CELSR2: variants seen among roughly 807,000 people sequenced by gnomAD.
CELSR2 encodes cadherin EGF LAG seven-pass G-type receptor 2.
Under a neutral mutation model 251.6 loss-of-function variants are expected in CELSR2, and 81 were observed. That is an observed-to-expected ratio of 0.32 (90% CI 0.27 to 0.39). The LOEUF (loss-of-function observed/expected upper bound fraction) is 0.39, where lower values mean the gene tolerates loss of function less well. CELSR2 is among the 10% of genes least tolerant of loss of function. The probability of loss-of-function intolerance (pLI) is 1.00; values close to 1 mark genes in which losing one functional copy is unlikely to be tolerated. For synonymous variants in CELSR2, 1,721 were observed against 1,670.5 expected (o/e 1.03, Z -0.74); for missense variants, 3,365 against 3,947.7 (o/e 0.85, Z 3.96).
At chr1:109,271,992 T>A (rs1656383787) in intron 28 of CELSR2, among the ~76,000 whole-genome samples, 1 of 152,206 alleles carries the variant, frequency 6.6e-6, no homozygotes, top group South Asian at 2.1e-4. Flanking sequence ...GTAAATTTTC[T>A]GTCTCCCAAG....
In CELSR2 at chr1:109,262,407, T is replaced by C; in HGVS notation, c.4507T>C (p.Ser1503Pro). Residue 1503 changes from serine to proline, a missense_variant, in exon 6 of 34, where the codon TCC becomes CCC. Physicochemically the swap from Ser to Pro is moderately conservative, Grantham distance 74. Coordinates refer to ENST00000271332, the MANE Select transcript of CELSR2 (RefSeq NM_001408.3). The stretch of plus-strand genomic sequence containing the variant: ...CTTCGGATCTGTCCTGGGCAACTAC[T>C]CCTGTGCTGCCCAGGGCACCCAGGG... ...LRFGSVLGNY[S>P]CAAQGTQGGS... 6.2e-7 allele frequency: 1 copy of C among 1,614,046 alleles called. No homozygotes were observed. The highest frequency in any genetic ancestry group is 8.5e-7 in the Non-Finnish European group (1 of 1,179,998).
At chr1:109,259,101 A>C in intron 2 of CELSR2, 22 bp downstream of exon 2, 1 of 1,543,020 alleles carries the variant, frequency 6.5e-7, no homozygotes, top group Non-Finnish European at 8.7e-7. Context: ...GAGGGGACTC[A>C]TGGGCCAGCC....
In CELSR2 at chr1:109,258,423, T is replaced by A; in HGVS notation, c.3311-9T>A. The stretch of plus-strand genomic sequence containing the variant: ...CCAGGCTGGGTCCTGACTGTGTCCC[T>A]CTCCACAGACGGCGTACACAGCGTG... On this transcript the variant is annotated splice_polypyrimidine_tract_variant and intron_variant, in intron 1 of 33. Coordinates refer to ENST00000271332, the MANE Select transcript of CELSR2 (RefSeq NM_001408.3). The A allele has an allele frequency of 6.4e-7, 1 of 1,557,342 alleles. No homozygotes were observed. Among genetic ancestry groups the A allele is most frequent in the South Asian group, 1.2e-5 (1 of 82,180 alleles).
chr1:109,267,740 A>T, intron 16 of CELSR2, 98 bp downstream of exon 16: 5 of 1,557,800 alleles, frequency 3.2e-6, no homozygotes, highest in Non-Finnish European at 3.5e-6. Context: ...CTGGAATTCC[A>T]GCCTGTGTGT....
Position 109,272,367 on chromosome 1 carries a change from G to A in CELSR2, c.8016G>A (p.Ser2672=), listed in dbSNP as rs758244777. ...GCTCTCTGCACAGCACCAGTCGCTCGGGCAAGAGTCAGCCCAGCTACATCC... is the reference window on the plus strand; with the variant it reads ...GCTCTCTGCACAGCACCAGTCGCTCAGGCAAGAGTCAGCCCAGCTACATCC... The part of the protein sequence containing the change: ...SAGSLHSTSR[S]GKSQPSYIPF... The change falls in exon 29 of 34, where the codon TCG becomes TCA. Residue 2672 remains serine (S), a synonymous_variant. Transcript: ENST00000271332. 2.4e-5 allele frequency: 38 copies of A among 1,612,068 alleles called. No individual in the cohort carries two copies. Among genetic ancestry groups the A allele is most frequent in the Middle Eastern group, 1.6e-4 (1 of 6,076 alleles).
rs748651235 is a variant in CELSR2, at chr1:109,271,388, C to T, written c.7679C>T (p.Ser2560Leu). Residue 2560 changes from serine (S) to leucine (L), a missense_variant and splice_region_variant, in exon 27 of 34, where the codon TCG becomes TTG. Coordinates refer to ENST00000271332, the MANE Select transcript of CELSR2 (RefSeq NM_001408.3). ...RQGFEKKGPV[S>L]GLQPSFAVLL... ...TCATGGCCTGTCCCTATCCCCAGCT[C>T]GGGCCTGCAGCCCTCCTTCGCCGTC... 7 of 1,612,992 alleles carry T rather than the reference C, an allele frequency of 4.3e-6. No individual in the cohort carries two copies. The highest frequency in any genetic ancestry group is 2.2e-5 in the East Asian group (1 of 44,762).
At position 109,253,004 on chromosome 1, in the gene CELSR2, C is replaced by T. The variant is rs757852154; in HGVS notation, c.2925C>T (p.Ser975=). The T allele has an allele frequency of 2.2e-5, 35 of 1,612,526 alleles. No homozygotes were observed. In the Middle Eastern group the frequency reaches 6.6e-4, roughly 30 times the overall value. The change falls in exon 1 of 34, where the codon TCC becomes TCT. Residue 975 remains serine, a synonymous_variant. Transcript: ENST00000271332. ...IPEVFQLDIF[S]GELTALVDLD... is the part of the protein sequence containing the mutation. ...AGGTCTTTCAGCTGGACATCTTCTCCGGGGAGCTGACAGCCCTGGTAGACT... is the reference window on the plus strand; with the variant it reads ...AGGTCTTTCAGCTGGACATCTTCTCTGGGGAGCTGACAGCCCTGGTAGACT...
At position 109,258,931 on chromosome 1, in the gene CELSR2, AG is replaced by A; in HGVS notation, c.3813del (p.Leu1272CysfsTer54). On this transcript the variant is annotated frameshift_variant, in exon 2 of 34. Transcript: ENST00000271332. LOFTEE classifies it high-confidence loss of function. ...VLFRPIHPVG[G>X]LRCRCPPGFT... is the part of the protein sequence containing the mutation. ...TCTTCCGGCCCATCCACCCCGTCGG[AG>A]GGCTGCGCTGCCGCTGCCCGCCCGG... 1 of 1,611,982 alleles carries A rather than the reference AG, an allele frequency of 6.2e-7. No individual in the cohort carries two copies. The highest frequency in any genetic ancestry group is 8.5e-7 in the Non-Finnish European group (1 of 1,179,536).
chr1:109,267,610 A>G lies in CELSR2; in HGVS notation c.6076A>G (p.Thr2026Ala). ...GWLPPNLFNCTSITFSELKGF... is the reference protein window; with the variant it reads ...GWLPPNLFNCASITFSELKGF... ...GCTCCCCCCAAACCTCTTCAACTGC[A>G]CGTCCATCACCTTCTCAGAACTGAA... Residue 2026 changes from threonine (T) to alanine (A), a missense_variant, in exon 16 of 34, where the codon ACG becomes GCG. Physicochemically the swap from Thr to Ala is moderately conservative, Grantham distance 58 (BLOSUM62 0). Transcript: ENST00000271332. 8 of 1,614,136 alleles carry G rather than the reference A, an allele frequency of 5.0e-6. No individual in the cohort carries two copies. Among genetic ancestry groups the G allele is most frequent in the Non-Finnish European group, 6.8e-6 (8 of 1,180,012 alleles).
In CELSR2 at chr1:109,251,815, G is replaced by C. The variant is rs200304391; in HGVS notation, c.1736G>C (p.Gly579Ala). ...DREEVDFYSF[G>A]VEARDHGTPA... is the part of the protein sequence containing the mutation. ...GAGGAAGTTGATTTCTACAGCTTTG[G>C]GGTAGAAGCTCGAGACCATGGCACT... The change falls in exon 1 of 34, where the codon GGG becomes GCG. Residue 579 changes from glycine to alanine, a missense_variant. Physicochemically the swap from Gly to Ala is moderately conservative, Grantham distance 60 (BLOSUM62 0). Around this residue, in one of 5 missense-constraint regions of CELSR2, gnomAD observed 704 missense variants for 784.1 expected, o/e 0.90. Coordinates refer to ENST00000271332, the MANE Select transcript of CELSR2 (RefSeq NM_001408.3). This position sits in a 1 kb window ranked among gnomAD's most constrained non-coding sequence, Gnocchi z 4.9. 2.4e-4 allele frequency: 387 copies of C among 1,613,974 alleles called. No homozygotes were observed. Among genetic ancestry groups the C allele is most frequent in the Non-Finnish European group, 3.0e-4 (357 of 1,180,032 alleles).
At position 109,270,400 on chromosome 1, in the gene CELSR2, T is replaced by C. The variant is rs756164192; in HGVS notation, c.7309-26T>C. On this transcript the variant is annotated intron_variant, in intron 23 of 33. Transcript: ENST00000271332. ...TGTGCTCTGGGCGGGCCCCGGTCGC[T>C]GACCTGCCCTGGCCTGGGCCCTCAG... The C allele has an allele frequency of 3.1e-6, 5 of 1,612,464 alleles. No individual in the cohort carries two copies. The South Asian group carries it at 5.5e-5, about 18-fold the overall frequency.
At position 109,250,521 on chromosome 1, in the gene CELSR2, T is replaced by C. The variant is rs1273708462; in HGVS notation, c.442T>C (p.Cys148Arg). Residue 148 changes from cysteine (C) to arginine (R), a missense_variant, in exon 1 of 34, where the codon TGC becomes CGC. Cys to Arg is a radical substitution (Grantham distance 180). Transcript: ENST00000271332. The surrounding 1 kb of genome is among the most constrained non-coding windows in gnomAD (Gnocchi z 4.4). ...LKAPRLRCQS[C>R]KLAQAPGLRA... ...GGCTCCACGGCTCAGATGCCAGTCCTGCAAGCTGGCACAGGCCCCCGGGCT... is the reference window on the plus strand; with the variant it reads ...GGCTCCACGGCTCAGATGCCAGTCCCGCAAGCTGGCACAGGCCCCCGGGCT... 2 of 1,613,790 alleles carry C rather than the reference T, an allele frequency of 1.2e-6. No individual in the cohort carries two copies. Among genetic ancestry groups the C allele is most frequent in the African/African-American group, 1.3e-5 (1 of 75,032 alleles).
rs778934592 is a variant in CELSR2 at position 109,268,050 on chromosome 1, A to G, written c.6308A>G (p.His2103Arg). The G allele has an allele frequency of 6.3e-7, 1 of 1,597,546 alleles. No homozygotes were observed. Among genetic ancestry groups the G allele is most frequent in the South Asian group, 1.1e-5 (1 of 90,802 alleles). The stretch of plus-strand genomic sequence containing the variant: ...GGGCTGTCTGCCACACAGGACGTGC[A>G]CTTCACTGAGGTGGGGCTTGGAGGA... ...GFGLSATQDV[H>R]FTENLLRVGS... is the part of the protein sequence containing the mutation. Residue 2103 changes from histidine to arginine, a missense_variant, in exon 17 of 34, where the codon CAC (histidine) becomes CGC (arginine). Physicochemically the swap from His to Arg is conservative, Grantham distance 29. Around this residue, in one of 5 missense-constraint regions of CELSR2, gnomAD observed 2,093 missense variants for 2,382.8 expected, o/e 0.88. Coordinates refer to ENST00000271332, the MANE Select transcript of CELSR2 (RefSeq NM_001408.3).
rs759753279 is a variant in CELSR2, at chr1:109,250,475, C to T, written c.396C>T (p.Pro132=). 7.4e-6 allele frequency: 12 copies of T among 1,613,570 alleles called. No homozygotes were observed. The highest frequency in any genetic ancestry group is 1.1e-5 in the South Asian group (1 of 91,086). Residue 132 remains proline, a synonymous_variant, in exon 1 of 34, where the codon CCC becomes CCT. Coordinates refer to ENST00000271332, the MANE Select transcript of CELSR2 (RefSeq NM_001408.3). This position sits in a 1 kb window ranked among gnomAD's most constrained non-coding sequence, Gnocchi z 4.4. ...HLSPQGKLTL[P]EEHPCLKAPR... ...CCCCACAGGGCAAGCTCACACTGCC[C>T]GAGGAGCACCCGTGCTTAAAGGCTC...
chr1:109,268,016 C>T lies in CELSR2; in HGVS notation c.6274C>T (p.Arg2092Trp), dbSNP rs537617142. The T allele has an allele frequency of 9.8e-5, 158 of 1,608,726 alleles. No individual in the cohort carries two copies. Among genetic ancestry groups the T allele is most frequent in the Admixed American group, 2.3e-4 (14 of 60,000 alleles). The change falls in exon 17 of 34, where the codon CGG becomes TGG. Residue 2092 changes from arginine (R) to tryptophan (W), a missense_variant. By Grantham distance (101) the Arg-to-Trp change is moderately radical (BLOSUM62 -3). Transcript: ENST00000271332. ...TRLLAHESTQ[R>W]GFGLSATQDV... ...GCTGCTGGCCCACGAGAGCACCCAG[C>T]GGGGCTTTGGGCTGTCTGCCACACA... is the stretch of plus-strand genomic sequence containing the variant.
At chr1:109,256,347 G>A (rs1655845599) in intron 1 of CELSR2, among the ~76,000 whole-genome samples, 1 of 152,168 alleles carries the variant, frequency 6.6e-6, no homozygotes, top group Non-Finnish European at 1.5e-5. Flanking sequence ...AGTGGGTGAT[G>A]ACAAGCAGGC....
rs1456754512 is a variant in CELSR2, at chr1:109,272,602, GC to G, written c.8055-36del. 2.5e-6 allele frequency: 4 copies of G among 1,585,682 alleles called. No homozygotes were observed. In the Middle Eastern group the frequency reaches 5.0e-4, roughly 199 times the overall value. ...GAGAGACTGGGACCCTGGGCAAGGG[GC>G]CAGGCTGACCCCTCCAGCATGGTCT... On this transcript the variant is annotated intron_variant, in intron 29 of 33. Coordinates refer to ENST00000271332, the MANE Select transcript of CELSR2 (RefSeq NM_001408.3).
chr1:109,265,186 T>C lies in CELSR2; in HGVS notation c.5607-5T>C. On this transcript the variant is annotated splice_region_variant and splice_polypyrimidine_tract_variant and intron_variant, in intron 12 of 33. Transcript: ENST00000271332. ...GCTCATGCCTACCTGGGTCCCTCTC[T>C]GCAGGATTGACCAGCCTTGTCCCCG... 6.3e-7 allele frequency: 1 copy of C among 1,594,720 alleles called. No individual in the cohort carries two copies.
At chr1:109,256,133 C>T (rs965235131) in intron 1 of CELSR2, among the ~76,000 whole-genome samples, 1 of 152,182 alleles carries the variant, frequency 6.6e-6, no homozygotes, top group East Asian at 1.9e-4. Context: ...ACCAGGTATA[C>T]AAGAGCTCTG....
Sources: allele counts gnomAD v4.1 joint callset (sites outside exome capture counted in the v4.1 genomes callset), GRCh38; gene constraint gnomAD v4.1.1; regional missense constraint gnomAD v4.1.1; non-coding constraint Gnocchi (gnomAD v3.1); transcripts MANE v1.5; gene names NCBI Gene and HGNC (gene_info 2026-07-23, HGNC 2026-07-21).